Variants in TSPEAR observed in about 807,000 individuals in gnomAD.
The protein encoded by TSPEAR is thrombospondin type laminin G domain and EAR repeats.
Under a neutral mutation model 71.6 loss-of-function variants are expected in TSPEAR, and 69 were observed. That is an observed-to-expected ratio of 0.96 (90% CI 0.79 to 1.18). The LOEUF (loss-of-function observed/expected upper bound fraction) is 1.18, where lower values mean the gene tolerates loss of function less well. Among genes scored for constraint, TSPEAR ranks in the 50% most tolerant of loss-of-function variants. The pLI is 0.00. For missense variants in TSPEAR, 971 were observed against 894.9 expected, an observed-to-expected ratio of 1.09 and a Z score of -1.09; for synonymous variants, 402 against 387.2, an observed-to-expected ratio of 1.04 and a Z score of -0.45.
intron 9 of TSPEAR, chr21:44,517,344 TCAGA>T (rs1340218900): frequency 7.4e-5 from 12 of 163,162 alleles, no homozygotes; most frequent in African/African-American, 1.9e-4. Flanking sequence ...CCCACAGGTC[TCAGA>T]CTGACAGGAG....
chr21:44,707,609 G>A (rs1988001358), intron 1 of TSPEAR, among the ~76,000 whole-genome samples: 1 of 152,132 alleles, frequency 6.6e-6, no homozygotes, highest in South Asian at 2.1e-4. Context: ...GAAAAGCCCT[G>A]GCCTTATAGT....
intron 11 of TSPEAR, among the ~76,000 whole-genome samples, chr21:44,502,393 C>T (rs1555911190): frequency 6.6e-6 from 1 of 152,184 alleles, no homozygotes; most frequent in South Asian, 2.1e-4. Context: ...CCTAAGTCCC[C>T]TGAGAATCTT....
chr21:44,647,376 G>A, intron 1 of TSPEAR: 1 of 1,607,560 alleles, frequency 6.2e-7, no homozygotes, highest in Non-Finnish European at 8.5e-7. Context: ...CTTGTCTCCT[G>A]CTGACTGTGT....
At chr21:44,706,838 G>T (rs1426813458) in intron 1 of TSPEAR, among the ~76,000 whole-genome samples, 4 of 152,192 alleles carry the variant, frequency 2.6e-5, no homozygotes, top group Non-Finnish European at 5.9e-5. Flanking sequence ...CATGGGATTG[G>T]ATTCGCCAGA....
At chr21:44,677,897 T>G in intron 1 of TSPEAR, 1 of 1,398,268 alleles carries the variant, frequency 7.2e-7, no homozygotes, top group East Asian at 2.3e-5. Context: ...ATTTGGCATA[T>G]AGGATAGTGC....
chr21:44,606,463 C>T (rs1200081939), intron 1 of TSPEAR, among the ~76,000 whole-genome samples: 1 of 152,140 alleles, frequency 6.6e-6, no homozygotes, highest in Non-Finnish European at 1.5e-5. Flanking sequence ...AACAGTATAG[C>T]GGTTCCTCAA....
intron 1 of TSPEAR, among the ~76,000 whole-genome samples, chr21:44,579,263 G>C (rs1555924412): frequency 6.6e-6 from 1 of 152,164 alleles, no homozygotes; most frequent in Non-Finnish European, 1.5e-5. Context: ...GAAGACCCAG[G>C]CATGGAGGCT....
intron 1 of TSPEAR, among the ~76,000 whole-genome samples, chr21:44,672,597 A>G (rs1418433858): frequency 6.6e-6 from 1 of 152,164 alleles, no homozygotes; most frequent in Non-Finnish European, 1.5e-5. Context: ...AAACCTATTT[A>G]GCAAAATGAT....
Position 44,612,176 on chromosome 21 carries a change from C to T in TSPEAR, c.83-44171G>A, listed in dbSNP as rs782736729. ...GTCTGTCTGCTCCAGTGACGTGGGC[C>T]ATGTCAGCCGAGTCTCCTCCCCCAG... On this transcript the variant is annotated intron_variant, in intron 1 of 11. Transcript: ENST00000323084. The surrounding 1 kb of genome is among the most constrained non-coding windows in gnomAD (Gnocchi z 4.1). The T allele has an allele frequency of 3.1e-5, 50 of 1,613,926 alleles. No homozygotes were observed. Among genetic ancestry groups the T allele is most frequent in the Middle Eastern group, 3.3e-4 (2 of 6,084 alleles).
chr21:44,697,370 C>A, intron 1 of TSPEAR: 7 of 1,612,868 alleles, frequency 4.3e-6, no homozygotes, highest in Non-Finnish European at 5.9e-6. Flanking sequence ...CCCAGTGAGC[C>A]GTGTATCCAG....
chr21:44,504,159 TCTCTTGGAGGAGGCC>T (rs2052129539), intron 11 of TSPEAR, among the ~76,000 whole-genome samples: 1 of 82,292 alleles, frequency 1.2e-5, no homozygotes, highest in African/African-American at 5.0e-5. Flanking sequence ...GGGAAGCAAG[TCTCTTGGAGGAGGCC>T]GGCCTTGGTG....
At position 44,533,778 on chromosome 21, in the gene TSPEAR, G is replaced by A. The variant is rs587719421; in HGVS notation, c.449C>T (p.Pro150Leu). The change falls in exon 3 of 12, where the codon CCG becomes CTG. Residue 150 changes from proline (P) to leucine (L), a missense_variant. Pro to Leu is a moderately conservative substitution (Grantham distance 98). Transcript: ENST00000323084. ...GTGCCAGCGGCCATCCACCAGGGCC[G>A]GGCTGCGGAAGGACACTCGGGTCTG... is the stretch of plus-strand genomic sequence containing the variant. Reference protein sequence around the residue: ...AWQTRVSFRSPALVDGRWHTL... With the variant: ...AWQTRVSFRSLALVDGRWHTL... 24 of 1,612,494 alleles carry A rather than the reference G, an allele frequency of 1.5e-5. No individual in the cohort carries two copies. The Admixed American group carries it at 2.3e-4, about 16-fold the overall frequency.
At chr21:44,693,811 G>A (rs1987216233) in intron 1 of TSPEAR, among the ~76,000 whole-genome samples, 1 of 152,048 alleles carries the variant, frequency 6.6e-6, no homozygotes. Flanking sequence ...CAGGAAATAA[G>A]GAGCACCCAA....
intron 1 of TSPEAR, chr21:44,681,976 A>G: frequency 6.2e-7 from 1 of 1,613,832 alleles, no homozygotes; most frequent in Non-Finnish European, 8.5e-7. Context: ...GAGGACTGGC[A>G]TCTCACGGGC....
intron 1 of TSPEAR, chr21:44,574,342 C>T: frequency 1.9e-6 from 3 of 1,610,516 alleles, no homozygotes; most frequent in Non-Finnish European, 2.5e-6. Context: ...GAGCCCAGCC[C>T]CTGCCAATCA....
At chr21:44,617,002 G>A (rs1345816141) in intron 1 of TSPEAR, among the ~76,000 whole-genome samples, 1 of 152,162 alleles carries the variant, frequency 6.6e-6, no homozygotes, top group African/African-American at 2.4e-5. Flanking sequence ...GGTGCAGTGG[G>A]GAACCCTGCT....
chr21:44,603,555 G>C (rs1365701094), intron 1 of TSPEAR, among the ~76,000 whole-genome samples: 1 of 152,172 alleles, frequency 6.6e-6, no homozygotes, highest in East Asian at 1.9e-4. Context: ...CGCCCCCCAC[G>C]CCCCGGGTGT....
intron 2 of TSPEAR, among the ~76,000 whole-genome samples, chr21:44,551,901 T>A (rs2053447846): frequency 6.6e-6 from 1 of 152,000 alleles, no homozygotes; most frequent in Non-Finnish European, 1.5e-5. Flanking sequence ...GGCGTGGCTG[T>A]GATTGGGAGA....
At position 44,527,348 on chromosome 21, in the gene TSPEAR, G is replaced by A. The variant is rs782360263; in HGVS notation, c.1093C>T (p.Gln365Ter). ...KWTEEKFVSY[Q>*]NIPTHQAQAW... Reference sequence around the variant, plus strand: ...TGTGCTTGGTGCGTGGGGATGTTCTGATATGAGACGAACTTCTCTTCGGTC... The same window carrying A: ...TGTGCTTGGTGCGTGGGGATGTTCTAATATGAGACGAACTTCTCTTCGGTC... Residue 365 changes from glutamine to a stop codon, truncating the protein, a stop_gained, in exon 7 of 12, where the codon CAG (glutamine) becomes TAG (stop). Coordinates refer to ENST00000323084, the MANE Select transcript of TSPEAR (RefSeq NM_144991.3). LOFTEE classifies it high-confidence loss of function. The A allele has an allele frequency of 1.7e-5, 28 of 1,614,226 alleles. No homozygotes were observed. The highest frequency in any genetic ancestry group is 2.3e-5 in the Non-Finnish European group (27 of 1,180,058).
Sources: allele counts gnomAD v4.1 joint callset (sites outside exome capture counted in the v4.1 genomes callset), GRCh38; gene constraint gnomAD v4.1.1; non-coding constraint Gnocchi (gnomAD v3.1); transcripts MANE v1.5; gene names NCBI Gene and HGNC (gene_info 2026-07-23, HGNC 2026-07-21).